The following CCDC146 variants were observed in gnomAD, a reference collection of about 807,000 sequenced individuals.
CCDC146 encodes the protein coiled-coil domain-containing protein 146.
In CCDC146, 92 loss-of-function variants were observed where a neutral mutation model predicts 119.3. That is an observed-to-expected ratio of 0.77 (90% confidence interval 0.65 to 0.92). The LOEUF is 0.92. CCDC146 is among the 40% of genes least tolerant of loss of function. The pLI is 0.00. For synonymous variants in CCDC146, 372 were observed against 371.8 expected (o/e 1.00, Z -0.01); for missense variants, 1,000 against 1,103.0 (o/e 0.91, Z 1.32).
At chr7:77,208,196 C>G (rs1417875284) in intron 2 of CCDC146, among the ~76,000 whole-genome samples, 1 of 152,182 alleles carries the variant, frequency 6.6e-6, no homozygotes, top group East Asian at 1.9e-4. Context: ...CCAAAATGGA[C>G]ACTTTTAGAG....
intron 2 of CCDC146, chr7:77,193,887 A>G (rs1369107128): frequency 6.6e-6 from 1 of 152,606 alleles, no homozygotes; most frequent in South Asian, 2.1e-4. Flanking sequence ...ATTAGCATAT[A>G]TTGGTGAATA....
At chr7:77,129,020 C>A (rs1249868216) in intron 1 of CCDC146, among the ~76,000 whole-genome samples, 1 of 152,096 alleles carries the variant, frequency 6.6e-6, no homozygotes, top group Non-Finnish European at 1.5e-5. Context: ...CAGGGTCAGC[C>A]CTACTCCTGC....
intron 1 of CCDC146, among the ~76,000 whole-genome samples, chr7:77,140,309 G>A (rs566082200): frequency 2.7e-4 from 41 of 152,174 alleles, no homozygotes; most frequent in African/African-American, 9.4e-4. Context: ...ATATATTCAG[G>A]TTCTGTTGTC....
rs550422562 is a variant in CCDC146, at chr7:77,269,760, TC to T, written c.1174-3932del. Among the ~76,000 whole-genome samples, 579 of 152,362 alleles carry T rather than the reference TC, an allele frequency of 3.8e-3. 1 individual carries two copies. Among genetic ancestry groups the T allele is most frequent in the Non-Finnish European group, 6.2e-3 (423 of 68,020 alleles). On this transcript the variant is annotated intron_variant, in intron 9 of 18. Coordinates refer to ENST00000285871, the MANE Select transcript of CCDC146 (RefSeq NM_020879.3). Reference sequence around the variant, plus strand: ...AAATTAAAGTGTATTAGAATCCTTTTCCTTTGTTGATTTTAAGAAAAATCTG... The same window carrying T: ...AAATTAAAGTGTATTAGAATCCTTTTCTTTGTTGATTTTAAGAAAAATCTG...
chr7:77,230,579 TG>T (rs1245767588), intron 2 of CCDC146, among the ~76,000 whole-genome samples: 1 of 152,098 alleles, frequency 6.6e-6, no homozygotes, highest in Non-Finnish European at 1.5e-5. Flanking sequence ...TTATTTTAGA[TG>T]AGAAGTTACT....
chr7:77,294,585 G>C lies in CCDC146; in HGVS notation c.2665-78G>C, dbSNP rs571437095. On this transcript the variant is annotated intron_variant, in intron 18 of 18. Transcript: ENST00000285871. ...CGGTCAAAGACTGTCCAGACCAGCT[G>C]TGTCTTTTGGGACCTAAGGATAAAG... is the stretch of plus-strand genomic sequence containing the variant. The C allele has an allele frequency of 1.5e-4, 207 of 1,389,474 alleles. 1 individual carries two copies. In the African/African-American group the frequency reaches 2.7e-3, roughly 18 times the overall value. The allele number at this position is 1,389,474 out of a possible 1,614,324, so 86.1% of individuals were successfully genotyped here. A position where few individuals can be genotyped will look rare whatever the true frequency, so the allele number is the denominator to read the frequency against.
chr7:77,226,705 CAATTT>C (rs1792521662), intron 2 of CCDC146, among the ~76,000 whole-genome samples: 1 of 152,162 alleles, frequency 6.6e-6, no homozygotes, highest in African/African-American at 2.4e-5. Context: ...TGCTCTTTGA[CAATTT>C]AAGATTGAAC....
intron 1 of CCDC146, among the ~76,000 whole-genome samples, chr7:77,142,434 ATG>A (rs1459559511): frequency 1.3e-5 from 2 of 149,880 alleles, no homozygotes; most frequent in Admixed American, 6.6e-5. Context: ...TACATGTGCC[ATG>A]TGTACATGTA....
chr7:77,242,233 C>A, intron 4 of CCDC146: 2 of 399,034 alleles, frequency 5.0e-6, no homozygotes, highest in Non-Finnish European at 8.2e-6. Flanking sequence ...CCCCCTCATC[C>A]CATGACTATA....
At chr7:77,236,067 T>TAATAAATAAATAAATA (rs1562842863) in intron 2 of CCDC146, among the ~76,000 whole-genome samples, 11 of 32,124 alleles carry the variant, frequency 3.4e-4, no homozygotes, top group Non-Finnish European at 1.5e-3. Flanking sequence ...TGAGACTCCG[T>TAATAAATAAATAAATA]CATAAATAAA....
chr7:77,179,854 T>C (rs1422334531), intron 2 of CCDC146, among the ~76,000 whole-genome samples: 1 of 152,220 alleles, frequency 6.6e-6, no homozygotes, highest in Non-Finnish European at 1.5e-5. Context: ...ATTAAACAAC[T>C]CCCCAATTCC....
chr7:77,130,930 C>A (rs1460252258), intron 1 of CCDC146, among the ~76,000 whole-genome samples: 1 of 150,012 alleles, frequency 6.7e-6, no homozygotes, highest in Non-Finnish European at 1.5e-5. Flanking sequence ...CTCACTCTGT[C>A]ATCCAGGCTG....
At chr7:77,162,872 G>A (rs890576020) in intron 1 of CCDC146, among the ~76,000 whole-genome samples, 5 of 151,962 alleles carry the variant, frequency 3.3e-5, no homozygotes, top group African/African-American at 4.8e-5. Flanking sequence ...GTATGCCTAA[G>A]TATTTTTATT....
At chr7:77,155,248 T>A (rs1209173459) in intron 1 of CCDC146, among the ~76,000 whole-genome samples, 7 of 152,220 alleles carry the variant, frequency 4.6e-5, no homozygotes, top group Non-Finnish European at 7.3e-5. Context: ...TGTTTGTAAC[T>A]ATAGCAACAA....
At position 77,253,320 on chromosome 7, in the gene CCDC146, A is replaced by T. The variant is rs117334834; in HGVS notation, c.450-1186A>T. 6.4e-3 allele frequency among the ~76,000 whole-genome samples: 972 copies of T among 152,302 alleles called. 28 individuals are homozygous for T. Among genetic ancestry groups the T allele is most frequent in the Admixed American group, 0.046 (698 of 15,296 alleles). On this transcript the variant is annotated intron_variant, in intron 4 of 18. Transcript: ENST00000285871. ...GTTTCCTCTGGCTCTAGCATTCGTTATACCTCAGGAATGCAATTGTCACAC... is the reference window on the plus strand; with the variant it reads ...GTTTCCTCTGGCTCTAGCATTCGTTTTACCTCAGGAATGCAATTGTCACAC...
In CCDC146 at chr7:77,151,233, T is replaced by C. The variant is rs113792410; in HGVS notation, c.-11-16425T>C. 6.7e-3 allele frequency among the ~76,000 whole-genome samples: 1,014 copies of C among 151,152 alleles called. 9 individuals carry two copies. Among genetic ancestry groups the C allele is most frequent in the African/African-American group, 0.024 (953 of 40,440 alleles). On this transcript the variant is annotated intron_variant, in intron 1 of 18. Transcript: ENST00000285871. ...CCACCCACATGGCCTTCCACAGGTC[T>C]CATCTCCAACTACCTTCACATTGGG...
At chr7:77,171,013 T>C (rs1031479915) in intron 2 of CCDC146, among the ~76,000 whole-genome samples, 3 of 152,182 alleles carry the variant, frequency 2.0e-5, no homozygotes, top group Non-Finnish European at 4.4e-5. Flanking sequence ...AAGTGAAGAG[T>C]TCACATTTCT....
intron 9 of CCDC146, among the ~76,000 whole-genome samples, chr7:77,273,370 G>A (rs1431946735): frequency 1.3e-5 from 2 of 152,078 alleles, no homozygotes; most frequent in Non-Finnish European, 2.9e-5. Context: ...TAGATTTTTG[G>A]CAGGTCTTCA....
chr7:77,206,067 C>T (rs7341504), intron 2 of CCDC146, among the ~76,000 whole-genome samples: 4,030 of 152,166 alleles, frequency 0.026, 153 homozygotes, highest in African/African-American at 0.089. Context: ...ATATTTACCA[C>T]GCTACGCATG....
Sources: gnomAD v4.1 joint callset for allele counts (sites outside exome capture counted in the v4.1 genomes callset) on GRCh38, gnomAD v4.1.1 for gene constraint, MANE v1.5 for transcripts, NCBI Gene and HGNC (gene_info 2026-07-23, HGNC 2026-07-21) for gene names.